The following C8orf34 variants were observed in gnomAD, a reference collection of about 807,000 sequenced individuals.
The protein encoded by C8orf34 is chromosome 8 open reading frame 34.
In C8orf34, 65 loss-of-function variants were observed where a neutral mutation model predicts 68.3. The ratio of observed to expected loss-of-function variants is 0.95; its 90% CI spans 0.78 to 1.17. The LOEUF (loss-of-function observed/expected upper bound fraction) is 1.17, where lower values mean the gene tolerates loss of function less well. C8orf34 is among the 50% of genes most tolerant of loss of function. The pLI, the probability that C8orf34 is intolerant of heterozygous loss-of-function variation, is 0.00. For missense variants in C8orf34, 664 were observed against 655.4 expected, an observed-to-expected ratio of 1.01 and a Z score of -0.14; for synonymous variants, 244 against 241.2, an observed-to-expected ratio of 1.01 and a Z score of -0.11.
rs140436948 is a variant in C8orf34, at chr8:68,457,969, C to T, written c.608-10723C>T. ...TTTTAGAGATGTTCTCATCCAAAGA[C>T]GGCATACCAGACAAATGACTTCCCA... On this transcript the variant is annotated intron_variant, in intron 3 of 13. Transcript: ENST00000518698. Among the ~76,000 whole-genome samples the T allele has an allele frequency of 5.3e-3, 804 of 152,028 alleles. 11 individuals are homozygous for T. The highest frequency in any genetic ancestry group is 0.045 in the East Asian group (232 of 5,172).
rs1484354564 is a variant in C8orf34, at chr8:68,664,837, C to T, written c.1241+24326C>T. Among the ~76,000 whole-genome samples the T allele has an allele frequency of 2.0e-5, 3 of 152,102 alleles. No homozygotes were observed. In the East Asian group the frequency reaches 5.8e-4, roughly 29 times the overall value. ...GCCCTGGGAGATTCATATTTCACTA[C>T]AGTTCATGATTCCCATCTGCTATAA... is the stretch of plus-strand genomic sequence containing the variant. On this transcript the variant is annotated intron_variant, in intron 8 of 13. Coordinates refer to ENST00000518698, the MANE Select transcript of C8orf34 (RefSeq NM_052958.4).
At chr8:68,539,529 T>C (rs1479874645) in intron 7 of C8orf34, among the ~76,000 whole-genome samples, 1 of 152,200 alleles carries the variant, frequency 6.6e-6, no homozygotes, top group Admixed American at 6.6e-5. Flanking sequence ...CAACAACTTA[T>C]TAAAATATCT....
chr8:68,347,580 A>C (rs540205724), intron 1 of C8orf34, among the ~76,000 whole-genome samples: 1 of 152,270 alleles, frequency 6.6e-6, no homozygotes, highest in South Asian at 2.1e-4. Flanking sequence ...CACTCCCAAC[A>C]GTGTATAAGT....
At chr8:68,561,549 T>C (rs1294598766) in intron 7 of C8orf34, among the ~76,000 whole-genome samples, 2 of 152,054 alleles carry the variant, frequency 1.3e-5, no homozygotes, top group Non-Finnish European at 1.5e-5. Flanking sequence ...CTGAGGTCAG[T>C]AGTTCAAGAT....
chr8:68,488,097 C>T (rs1813154058), intron 5 of C8orf34, 46 bp downstream of exon 5: 2 of 1,343,440 alleles, frequency 1.5e-6, no homozygotes, highest in African/African-American at 1.5e-5. Flanking sequence ...TAGAACTTAC[C>T]TTTTATTCCA....
At chr8:68,520,545 G>C (rs558517638) in intron 5 of C8orf34, among the ~76,000 whole-genome samples, 1 of 152,120 alleles carries the variant, frequency 6.6e-6, no homozygotes, top group East Asian at 1.9e-4. Context: ...CCACCTCCCG[G>C]GTTCACACCA....
chr8:68,754,050 T>C (rs1822783178), intron 10 of C8orf34, among the ~76,000 whole-genome samples: 1 of 152,148 alleles, frequency 6.6e-6, no homozygotes, highest in South Asian at 2.1e-4. Flanking sequence ...TGTCTAGCAT[T>C]TGGTTACCAT....
Position 68,488,126 on chromosome 8 carries a change from A to G in C8orf34, c.765+75A>G, listed in dbSNP as rs78818739. ...TATTCCACTGTCTCAACATAAATAA[A>G]TTTTCTGAAACATAAAATGTTCAAG... On this transcript the variant is annotated intron_variant, in intron 5 of 13. Transcript: ENST00000518698. The G allele has an allele frequency of 9.9e-5, 106 of 1,074,224 alleles. No homozygotes were observed. The African/African-American group carries it at 1.7e-3, about 17-fold the overall frequency. The allele number at this position is 1,074,224 out of a possible 1,614,324, so 66.5% of individuals were successfully genotyped here. A position where few individuals can be genotyped will look rare whatever the true frequency, so the allele number is the denominator to read the frequency against.
At chr8:68,492,440 G>A (rs973236841) in intron 5 of C8orf34, among the ~76,000 whole-genome samples, 5 of 151,892 alleles carry the variant, frequency 3.3e-5, no homozygotes, top group Admixed American at 6.6e-5. Flanking sequence ...TGTTGCTCAA[G>A]CTTGTCTCAA....
At chr8:68,517,345 T>A (rs1295389843) in intron 5 of C8orf34, among the ~76,000 whole-genome samples, 1 of 152,156 alleles carries the variant, frequency 6.6e-6, no homozygotes, top group Non-Finnish European at 1.5e-5. Context: ...ATATATACAT[T>A]TTTAAAAGGA....
intron 8 of C8orf34, among the ~76,000 whole-genome samples, chr8:68,642,432 A>C (rs1349606942): frequency 6.6e-6 from 1 of 152,174 alleles, no homozygotes; most frequent in Non-Finnish European, 1.5e-5. Flanking sequence ...GTTGTCGAGA[A>C]CTATAGAGAA....
chr8:68,544,763 A>G (rs1034484891), intron 7 of C8orf34, among the ~76,000 whole-genome samples: 1 of 152,148 alleles, frequency 6.6e-6, no homozygotes, highest in Admixed American at 6.6e-5. Flanking sequence ...AATTTTAAAA[A>G]CCATTTTGTA....
chr8:68,466,066 C>G (rs915279260), intron 3 of C8orf34, among the ~76,000 whole-genome samples: 1 of 149,916 alleles, frequency 6.7e-6, no homozygotes, highest in African/African-American at 2.4e-5. Flanking sequence ...GAAATCATGT[C>G]ATTCTCAGCA....
At position 68,675,918 on chromosome 8, in the gene C8orf34, CA is replaced by C. The variant is rs527355780; in HGVS notation, c.1242-33070del. Among the ~76,000 whole-genome samples the C allele has an allele frequency of 3.0e-4, 46 of 151,932 alleles. No homozygotes were observed. In the South Asian group the frequency reaches 5.4e-3, roughly 18 times the overall value. ...AAAGATATTCCATGCAAATGGAGACCAAAAAAGAGCAGGAGTAGCTATACTT... is the reference window on the plus strand; with the variant it reads ...AAAGATATTCCATGCAAATGGAGACCAAAAAGAGCAGGAGTAGCTATACTT... On this transcript the variant is annotated intron_variant, in intron 8 of 13. Coordinates refer to ENST00000518698, the MANE Select transcript of C8orf34 (RefSeq NM_052958.4).
chr8:68,717,765 A>G (rs1285607580), intron 9 of C8orf34, among the ~76,000 whole-genome samples: 1 of 152,200 alleles, frequency 6.6e-6, no homozygotes, highest in African/African-American at 2.4e-5. Flanking sequence ...TAGGTAATAA[A>G]TATTAAAAAA....
At chr8:68,359,814 T>A (rs191107219) in intron 1 of C8orf34, among the ~76,000 whole-genome samples, 2 of 152,104 alleles carry the variant, frequency 1.3e-5, no homozygotes, top group Non-Finnish European at 2.9e-5. Flanking sequence ...GACATGAAAA[T>A]TGAGGTGATC....
chr8:68,586,902 A>G (rs1041806522), intron 7 of C8orf34, among the ~76,000 whole-genome samples: 1 of 152,154 alleles, frequency 6.6e-6, no homozygotes, highest in Non-Finnish European at 1.5e-5. Flanking sequence ...TTATTCAACT[A>G]AGCCACAGAC....
chr8:68,373,336 G>C lies in C8orf34; in HGVS notation c.327+41997G>C, dbSNP rs144030267. On this transcript the variant is annotated intron_variant, in intron 1 of 13. Coordinates refer to ENST00000518698, the MANE Select transcript of C8orf34 (RefSeq NM_052958.4). ...TAACTGTCAAAAAGACATTCATCTT[G>C]ACTTGCAGATGACCACAGATGGGGG... Among the ~76,000 whole-genome samples the C allele has an allele frequency of 1.3e-3, 205 of 152,194 alleles. 1 individual carries two copies. Among genetic ancestry groups the C allele is most frequent in the African/African-American group, 4.9e-3 (202 of 41,510 alleles).
At chr8:68,457,213 T>C (rs1811590475) in intron 3 of C8orf34, among the ~76,000 whole-genome samples, 1 of 152,106 alleles carries the variant, frequency 6.6e-6, no homozygotes, top group Non-Finnish European at 1.5e-5. Context: ...TTATAGACTG[T>C]CATTGAGAGT....
Sources: gnomAD v4.1 joint callset for allele counts (sites outside exome capture counted in the v4.1 genomes callset) on GRCh38, gnomAD v4.1.1 for gene constraint, MANE v1.5 for transcripts, NCBI Gene and HGNC (gene_info 2026-07-23, HGNC 2026-07-21) for gene names.